Variants in PPP1R12A observed in about 807,000 individuals in gnomAD.
PPP1R12A encodes myosin binding subunit.
Under a neutral mutation model 139.6 loss-of-function variants are expected in PPP1R12A, and 19 were observed. The ratio of observed to expected loss-of-function variants is 0.14; its 90% CI spans 0.09 to 0.20. The LOEUF (loss-of-function observed/expected upper bound fraction) is 0.20. Among genes scored for constraint, PPP1R12A ranks in the 10% least tolerant of loss-of-function variants. PPP1R12A has a pLI of 1.00. For synonymous variants in PPP1R12A, 427 were observed against 420.6 expected, an observed-to-expected ratio of 1.02 and a Z score of -0.19; for missense variants, 925 against 1,211.5, an observed-to-expected ratio of 0.76 and a Z score of 3.51.
intron 1 of PPP1R12A, among the ~76,000 whole-genome samples, chr12:79,924,338 T>C (rs1159002187): frequency 6.6e-6 from 1 of 152,198 alleles, no homozygotes; most frequent in Non-Finnish European, 1.5e-5. Flanking sequence ...TGTCCAAACC[T>C]TTTAAGAAAA....
intron 13 of PPP1R12A, 61 bp downstream of exon 13, chr12:79,806,105 A>AAACGC: frequency 6.6e-7 from 1 of 1,508,728 alleles, no homozygotes; most frequent in Non-Finnish European, 9.0e-7. Flanking sequence ...TTCTAAACAA[A>AAACGC]AACGCATGCA....
chr12:79,775,878 C>T lies in PPP1R12A; in HGVS notation c.*51G>A. 7.6e-7 allele frequency: 1 copy of T among 1,309,438 alleles called. No homozygotes were observed. Among genetic ancestry groups the T allele is most frequent in the Middle Eastern group, 1.8e-4 (1 of 5,414 alleles). The allele number at this position is 1,309,438 out of a possible 1,614,324, so 81.1% of individuals were successfully genotyped here. ...ACTTCCAGTGACTGCCAATTATGGT[C>T]CACTGGGTTACTAATATGTGCAATT... is the stretch of plus-strand genomic sequence containing the variant. On this transcript the variant is annotated 3_prime_UTR_variant, in exon 25 of 25. Transcript: ENST00000450142.
chr12:79,873,129 G>A (rs1218896234), intron 1 of PPP1R12A, among the ~76,000 whole-genome samples, 191 bp from the exon 2 acceptor site: 3 of 151,896 alleles, frequency 2.0e-5, no homozygotes, highest in Non-Finnish European at 4.4e-5. Context: ...CCTTGCTTAG[G>A]TACACATACA....
intron 18 of PPP1R12A, among the ~76,000 whole-genome samples, chr12:79,794,542 A>G (rs997053592): frequency 6.6e-6 from 1 of 152,058 alleles, no homozygotes; most frequent in Admixed American, 6.6e-5. Context: ...CAATTAAAAA[A>G]AAGTTCAGAA....
intron 2 of PPP1R12A, among the ~76,000 whole-genome samples, chr12:79,869,603 C>T (rs1368885754): frequency 4.6e-5 from 7 of 151,964 alleles, no homozygotes; most frequent in East Asian, 3.9e-4. Flanking sequence ...TAAACTATTA[C>T]GAAGAAAGGC....
At chr12:79,890,012 G>T (rs1455833962) in intron 1 of PPP1R12A, among the ~76,000 whole-genome samples, 1 of 152,014 alleles carries the variant, frequency 6.6e-6, no homozygotes, top group Non-Finnish European at 1.5e-5. Context: ...CACACCTTGG[G>T]GTAAGGAATC....
Position 79,807,272 on chromosome 12 carries a change from G to T in PPP1R12A, c.1609C>A (p.Leu537Ile), listed in dbSNP as rs2137061891. Residue 537 changes from leucine (L) to isoleucine (I), a missense_variant, in exon 12 of 25, where the codon CTT becomes ATT. By Grantham distance (5) the Leu-to-Ile change is conservative. This residue lies in a region of PPP1R12A where 403 missense variants were observed against 463.7 expected (regional missense o/e 0.87). Coordinates refer to ENST00000450142, the MANE Select transcript of PPP1R12A (RefSeq NM_002480.3). ...TCATTAACTGAGCTATTTTTTTTAA[G>T]ATCATCTTCCCATTTTCTCCTTGTA... Reference protein sequence around the residue: ...SYTRRKWEDDLKKNSSVNEGS... With the variant: ...SYTRRKWEDDIKKNSSVNEGS... The T allele has an allele frequency of 6.4e-7, 1 of 1,554,232 alleles. No homozygotes were observed. The highest frequency in any genetic ancestry group is 1.2e-5 in the South Asian group (1 of 84,428).
chr12:79,925,258 G>C (rs1388135170), intron 1 of PPP1R12A, among the ~76,000 whole-genome samples: 2 of 151,848 alleles, frequency 1.3e-5, no homozygotes, highest in African/African-American at 4.9e-5. Context: ...GTGCATACGT[G>C]TACGTGTGTG....
At chr12:79,878,161 T>G (rs1038626406) in intron 1 of PPP1R12A, 1 of 151,636 alleles carries the variant, frequency 6.6e-6, no homozygotes, top group African/African-American at 2.4e-5. Flanking sequence ...ATTGTATACT[T>G]AAGAGTTGTA....
intron 2 of PPP1R12A, among the ~76,000 whole-genome samples, chr12:79,845,994 C>T (rs947421556): frequency 1.1e-4 from 5 of 47,224 alleles, no homozygotes; most frequent in East Asian, 9.4e-4. Flanking sequence ...CTGGTCTCTG[C>T]GCTCCCAATC....
chr12:79,916,270 A>G (rs1186818422), intron 1 of PPP1R12A, among the ~76,000 whole-genome samples: 4 of 152,198 alleles, frequency 2.6e-5, no homozygotes. Context: ...TGGTTTATAA[A>G]TTTTAAAAGT....
Position 79,837,946 on chromosome 12 carries a change from G to T in PPP1R12A, c.488-5455C>A, listed in dbSNP as rs1000380711. Among the ~76,000 whole-genome samples, 3 of 152,234 alleles carry T rather than the reference G, an allele frequency of 2.0e-5. No homozygotes were observed. The East Asian group carries it at 5.8e-4, about 29-fold the overall frequency. ...GGACTAATACAGTAATTTGGTATCG[G>T]GTAGTGGGGCACAGTTGTAAAGATA... On this transcript the variant is annotated intron_variant, in intron 3 of 24. Coordinates refer to ENST00000450142, the MANE Select transcript of PPP1R12A (RefSeq NM_002480.3).
chr12:79,902,422 G>C (rs1224085494), intron 1 of PPP1R12A, among the ~76,000 whole-genome samples: 1 of 151,960 alleles, frequency 6.6e-6, no homozygotes, highest in Non-Finnish European at 1.5e-5. Flanking sequence ...TTTTATGCTA[G>C]AGTCTTGAAA....
intron 1 of PPP1R12A, among the ~76,000 whole-genome samples, chr12:79,898,123 A>G (rs899552715): frequency 3.3e-5 from 5 of 152,142 alleles, no homozygotes; most frequent in Admixed American, 1.3e-4. Context: ...TCAGTACCAA[A>G]TCCCACTGAT....
At chr12:79,790,397 C>T in intron 20 of PPP1R12A, 70 bp downstream of exon 20, 1 of 1,066,884 alleles carries the variant, frequency 9.4e-7, no homozygotes, top group South Asian at 2.1e-5. Context: ...TCCATAAATT[C>T]CTAGCAACAC....
At chr12:79,815,184 G>A (rs1317946088) in intron 9 of PPP1R12A, among the ~76,000 whole-genome samples, 1 of 152,150 alleles carries the variant, frequency 6.6e-6, no homozygotes, top group Non-Finnish European at 1.5e-5. Context: ...TTGAACACAG[G>A]AAGTTTACCG....
intron 2 of PPP1R12A, among the ~76,000 whole-genome samples, chr12:79,864,440 A>T (rs185621611): frequency 3.5e-4 from 53 of 152,330 alleles, no homozygotes; most frequent in Non-Finnish European, 5.9e-5. Context: ...CTAGAGAAAC[A>T]AGAGCAAACA....
intron 4 of PPP1R12A, 34 bp downstream of exon 4, chr12:79,832,297 TA>T: frequency 6.5e-7 from 1 of 1,543,888 alleles, no homozygotes; most frequent in African/African-American, 1.4e-5. Context: ...GAAGACAAAC[TA>T]AAATAGAAAA....
Position 79,786,434 on chromosome 12 carries a change from C to G in PPP1R12A, c.2847G>C (p.Gln949His), listed in dbSNP as rs766587216. The G allele has an allele frequency of 5.1e-6, 8 of 1,562,684 alleles. No homozygotes were observed. Among genetic ancestry groups the G allele is most frequent in the Non-Finnish European group, 6.9e-6 (8 of 1,153,248 alleles). Residue 949 changes from glutamine to histidine, a missense_variant, in exon 22 of 25, where the codon CAG (glutamine) becomes CAC (histidine). By Grantham distance (24) the Gln-to-His change is conservative (BLOSUM62 0). Coordinates refer to ENST00000450142, the MANE Select transcript of PPP1R12A (RefSeq NM_002480.3). ...ILAENEKLKAQLHDTNMELTD... is the reference protein window; with the variant it reads ...ILAENEKLKAHLHDTNMELTD... ...TTAGTTCCATATTTGTATCATGTAG[C>G]TGTGCCTTCAGCTTTTCATTTTCAG...
Sources: allele counts gnomAD v4.1 joint callset (sites outside exome capture counted in the v4.1 genomes callset), GRCh38; gene constraint gnomAD v4.1.1; regional missense constraint gnomAD v4.1.1; transcripts MANE v1.5; gene names NCBI Gene and HGNC (gene_info 2026-07-23, HGNC 2026-07-21).